The following PRKAG2 variants were observed in gnomAD, a reference collection of about 807,000 sequenced individuals.
PRKAG2 encodes protein kinase AMP-activated non-catalytic subunit gamma 2, also known as 5'-AMP-activated protein kinase subunit gamma-2.
In PRKAG2, 26 loss-of-function variants were observed where a neutral mutation model predicts 69.6. That is an observed-to-expected ratio of 0.37 (90% CI 0.27 to 0.52). PRKAG2 has a LOEUF of 0.52. Among genes scored for constraint, PRKAG2 ranks in the 20% least tolerant of loss-of-function variants. The pLI is 0.90. For synonymous variants in PRKAG2, 293 were observed against 285.0 expected (o/e 1.03, Z -0.28); for missense variants, 557 against 740.0 (o/e 0.75, Z 2.87).
chr7:151,568,259 G>A (rs933381611), intron 11 of PRKAG2, among the ~76,000 whole-genome samples: 10 of 152,130 alleles, frequency 6.6e-5, no homozygotes, highest in African/African-American at 2.4e-4. Flanking sequence ...TTTGCTTCGG[G>A]TTTTTCTATC....
At chr7:151,686,075 G>C (rs2151510362) in intron 3 of PRKAG2, among the ~76,000 whole-genome samples, 1 of 152,216 alleles carries the variant, frequency 6.6e-6, no homozygotes, top group Middle Eastern at 3.4e-3. Flanking sequence ...GCTGAGTAGA[G>C]CATCTGAGCC....
intron 1 of PRKAG2, among the ~76,000 whole-genome samples, chr7:151,849,902 T>C (rs966820249): frequency 6.6e-6 from 1 of 152,164 alleles, no homozygotes; most frequent in Non-Finnish European, 1.5e-5. Context: ...TTAGGACCTC[T>C]CTATATATTT....
chr7:151,628,557 C>T (rs943083663), intron 5 of PRKAG2, among the ~76,000 whole-genome samples: 9 of 151,968 alleles, frequency 5.9e-5, no homozygotes, highest in African/African-American at 2.2e-4. Flanking sequence ...TACTAAAGTA[C>T]AAAAATTAGC....
intron 3 of PRKAG2, among the ~76,000 whole-genome samples, chr7:151,693,301 C>T (rs58291553): frequency 0.04 from 6,016 of 152,194 alleles, 216 homozygotes; most frequent in East Asian, 0.22. Flanking sequence ...TAAGGAGACC[C>T]AAGGCCCTCC....
At chr7:151,802,747 C>A (rs1018597166) in intron 1 of PRKAG2, among the ~76,000 whole-genome samples, 10 of 151,952 alleles carry the variant, frequency 6.6e-5, no homozygotes, top group African/African-American at 9.7e-5. Flanking sequence ...TTCAGTGCAC[C>A]CCAGGACACA....
At chr7:151,847,352 G>A (rs187949731) in intron 1 of PRKAG2, among the ~76,000 whole-genome samples, 2 of 152,260 alleles carry the variant, frequency 1.3e-5, no homozygotes, top group African/African-American at 2.4e-5. Flanking sequence ...GGGGCGACAG[G>A]AGCCTACTGA....
At chr7:151,784,972 C>T (rs1343784665) in intron 2 of PRKAG2, among the ~76,000 whole-genome samples, 1 of 152,224 alleles carries the variant, frequency 6.6e-6, no homozygotes, top group African/African-American at 2.4e-5. Context: ...GGGTGGGCTG[C>T]GTGGCGGTGC....
At position 151,624,254 on chromosome 7, in the gene PRKAG2, C is replaced by A. The variant is rs578149124; in HGVS notation, c.754+7815G>T. 1.6e-3 allele frequency among the ~76,000 whole-genome samples: 236 copies of A among 151,602 alleles called. 1 individual carries two copies. Among genetic ancestry groups the A allele is most frequent in the African/African-American group, 5.5e-3 (229 of 41,278 alleles). On this transcript the variant is annotated intron_variant, in intron 5 of 15. Transcript: ENST00000287878. ...GTGATGCCCTCATGGTTCAGCACAG[C>A]CTCAACCTCCTGGACTCAGGAGGCA...
At position 151,826,174 on chromosome 7, in the gene PRKAG2, C is replaced by CT. The variant is rs946438841; in HGVS notation, c.115-39634dup. On this transcript the variant is annotated intron_variant, in intron 1 of 15. Coordinates refer to ENST00000287878, the MANE Select transcript of PRKAG2 (RefSeq NM_016203.4). ...CCATCTCTCCTGACTTCCAGTTCCA[C>CT]TTTTTTTTTTGTTGTTGTTTTTTTT... 3.8e-3 allele frequency among the ~76,000 whole-genome samples: 565 copies of CT among 149,732 alleles called. 4 individuals carry two copies. The highest frequency in any genetic ancestry group is 0.013 in the African/African-American group (533 of 40,248).
chr7:151,742,650 TAA>T lies in PRKAG2; in HGVS notation c.466+38500_466+38501del, dbSNP rs1186427625. On this transcript the variant is annotated intron_variant, in intron 3 of 15. Coordinates refer to ENST00000287878, the MANE Select transcript of PRKAG2 (RefSeq NM_016203.4). ...CAAAAAAAAAAAAAATAAAATAAAA[TAA>T]AAAGTCCTTATTTGCATTAAAGCCA... Among the ~76,000 whole-genome samples, 6 of 150,780 alleles carry T rather than the reference TAA, an allele frequency of 4.0e-5. No individual in the cohort carries two copies. In the East Asian group the frequency reaches 1.2e-3, roughly 29 times the overall value.
chr7:151,834,005 T>C (rs1394221225), intron 1 of PRKAG2, among the ~76,000 whole-genome samples: 1 of 152,076 alleles, frequency 6.6e-6, no homozygotes, highest in African/African-American at 2.4e-5. Context: ...AACAGAATAG[T>C]GAATCTACTT....
At chr7:151,860,555 C>T (rs1032089857) in intron 1 of PRKAG2, among the ~76,000 whole-genome samples, 2 of 152,126 alleles carry the variant, frequency 1.3e-5, no homozygotes, top group African/African-American at 2.4e-5. Flanking sequence ...AGAGAGAGCA[C>T]GGCCCCCAGC....
intron 1 of PRKAG2, among the ~76,000 whole-genome samples, chr7:151,823,045 C>A (rs866863222): frequency 7.3e-5 from 11 of 150,410 alleles, no homozygotes; most frequent in East Asian, 4.0e-4. Flanking sequence ...CCCCACCCCA[C>A]AGCGGAAAAC....
chr7:151,813,373 C>G (rs1881635), intron 1 of PRKAG2, among the ~76,000 whole-genome samples: 9 of 151,852 alleles, frequency 5.9e-5, no homozygotes, highest in Non-Finnish European at 1.0e-4. Context: ...AATCAAGCCT[C>G]CCCCCAGGAG....
intron 5 of PRKAG2, among the ~76,000 whole-genome samples, chr7:151,602,596 C>CA: frequency 6.6e-6 from 1 of 152,086 alleles, no homozygotes; most frequent in East Asian, 1.9e-4. Flanking sequence ...TCCAGATTTA[C>CA]AAAAAAGTTG....
intron 1 of PRKAG2, among the ~76,000 whole-genome samples, chr7:151,870,154 T>TAGATAGATAGATAGGCAGGC (rs1159760978): frequency 1.7e-3 from 242 of 138,398 alleles, no homozygotes; most frequent in East Asian, 6.6e-3. Context: ...GATAGATAGA[T>TAGATAGATAGATAGGCAGGC]AGGCAGGCAG....
intron 15 of PRKAG2, chr7:151,559,686 T>C: frequency 3.0e-6 from 3 of 985,420 alleles, no homozygotes; most frequent in Non-Finnish European, 3.6e-6. Flanking sequence ...CTGAAATTTC[T>C]GAACTAAAGA....
rs1265462032 is a variant in PRKAG2, at chr7:151,632,145, G to GGGA, written c.685-10_685-8dup. The GGGA allele has an allele frequency of 3.6e-6, 5 of 1,392,038 alleles. No homozygotes were observed. The highest frequency in any genetic ancestry group is 2.1e-4 in the Middle Eastern group (1 of 4,716). 86.2% of individuals were successfully genotyped at this position (1,392,038 alleles called of 1,614,324 possible). On this transcript the variant is annotated splice_region_variant and splice_polypyrimidine_tract_variant and intron_variant, in intron 4 of 15. Transcript: ENST00000287878. The surrounding 1 kb of genome is among the most constrained non-coding windows in gnomAD (Gnocchi z 4.2). ...GGGCCGCCGCCAGCGCCGCCTGAGG[G>GGGA]GGAGGAGGAGGACAGCGATCAGCAT...
intron 3 of PRKAG2, among the ~76,000 whole-genome samples, chr7:151,687,844 C>T (rs996426587): frequency 6.6e-6 from 1 of 152,216 alleles, no homozygotes; most frequent in African/African-American, 2.4e-5. Flanking sequence ...AGCACACGGT[C>T]GCACCAGGCG....
Sources: allele counts gnomAD v4.1 joint callset (sites outside exome capture counted in the v4.1 genomes callset), GRCh38; gene constraint gnomAD v4.1.1; non-coding constraint Gnocchi (gnomAD v3.1); transcripts MANE v1.5; gene names NCBI Gene and HGNC (gene_info 2026-07-23, HGNC 2026-07-21).